FBXO7: variants seen among roughly 807,000 people sequenced by gnomAD.
FBXO7 encodes F-box only protein 7.
In FBXO7, 31 loss-of-function variants were observed where a neutral mutation model predicts 50.2. That is an observed-to-expected ratio of 0.62 (90% CI 0.46 to 0.83). The LOEUF is 0.83. FBXO7 is among the 40% of genes least tolerant of loss of function. The pLI, the probability that FBXO7 is intolerant of heterozygous loss-of-function variation, is 0.00. For missense variants in FBXO7, 667 were observed against 646.6 expected, an observed-to-expected ratio of 1.03 and a Z score of -0.34; for synonymous variants, 256 against 253.1, an observed-to-expected ratio of 1.01 and a Z score of -0.11.
Position 32,485,291 on chromosome 22 carries a change from A to G in FBXO7, c.787+82A>G, listed in dbSNP as rs1269713967. ...CAAATGTTTTATAGCCACTTCAGTG[A>G]TTGGCTATCATGATACAGTTGTGAG... On this transcript the variant is annotated intron_variant, in intron 4 of 8. Transcript: ENST00000266087. 5 of 1,535,434 alleles carry G rather than the reference A, an allele frequency of 3.3e-6. No homozygotes were observed. In the East Asian group the frequency reaches 1.1e-4, roughly 35 times the overall value.
At chr22:32,496,474 T>G (rs1021406738) in intron 8 of FBXO7, among the ~76,000 whole-genome samples, 2 of 151,486 alleles carry the variant, frequency 1.3e-5, no homozygotes, top group Non-Finnish European at 3.0e-5. Flanking sequence ...AGTGTGAGAC[T>G]CTGTCTCAAA....
At position 32,493,186 on chromosome 22, in the gene FBXO7, G is replaced by A; in HGVS notation, c.1049G>A (p.Arg350His). Residue 350 changes from arginine to histidine, a missense_variant, in exon 7 of 9, where the codon CGT becomes CAT. Coordinates refer to ENST00000266087, the MANE Select transcript of FBXO7 (RefSeq NM_012179.4). ...KLRIFRLLDVRSVLSLSAVCR... is the reference protein window; with the variant it reads ...KLRIFRLLDVHSVLSLSAVCR... ...CGGATCTTCCGACTTCTGGATGTTC[G>A]TTCCGTCTTGTCTTTGTCTGCGGTT... 6 of 1,614,072 alleles carry A rather than the reference G, an allele frequency of 3.7e-6. 1 individual carries two copies. Among genetic ancestry groups the A allele is most frequent in the South Asian group, 2.2e-5 (2 of 91,074 alleles).
intron 1 of FBXO7, chr22:32,475,714 C>T: frequency 3.1e-6 from 1 of 325,496 alleles, no homozygotes; most frequent in East Asian, 6.0e-5. Context: ...TTGGACTTCG[C>T]CGCCGAAAAG....
At chr22:32,477,473 A>G (rs2057436423) in intron 1 of FBXO7, among the ~76,000 whole-genome samples, 1 of 152,182 alleles carries the variant, frequency 6.6e-6, no homozygotes, top group East Asian at 1.9e-4. Flanking sequence ...ATGTCAAATA[A>G]TCTGTGATGC....
rs1399497048 is a variant in FBXO7 at position 32,498,818 on chromosome 22, A to C, written c.*288A>C. On this transcript the variant is annotated 3_prime_UTR_variant, in exon 9 of 9. Transcript: ENST00000266087. ...ATGCTGTTCTTACCAGATTAAAAAAAAGTGTAAATTACATGGTGGTCTTGA... is the reference window on the plus strand; with the variant it reads ...ATGCTGTTCTTACCAGATTAAAAAACAGTGTAAATTACATGGTGGTCTTGA... The C allele has an allele frequency of 6.7e-6, 3 of 450,686 alleles. No individual in the cohort carries two copies. Among genetic ancestry groups the C allele is most frequent in the African/African-American group, 2.0e-5 (1 of 51,118 alleles). 27.9% of individuals were successfully genotyped at this position (450,686 alleles called of 1,614,324 possible).
chr22:32,474,834 C>A lies in FBXO7; in HGVS notation c.-169C>A. On this transcript the variant is annotated 5_prime_UTR_variant, in exon 1 of 9. Coordinates refer to ENST00000266087, the MANE Select transcript of FBXO7 (RefSeq NM_012179.4). ...GCGCTCTATTCCAGAGACCGAGTGG[C>A]AGGGCGGCCACTGTGGCGGGGCTCT... 1 of 656,264 alleles carries A rather than the reference C, an allele frequency of 1.5e-6. No homozygotes were observed. The highest frequency in any genetic ancestry group is 2.5e-6 in the Non-Finnish European group (1 of 401,858). 40.7% of individuals were successfully genotyped at this position (656,264 alleles called of 1,614,324 possible). A position where few individuals can be genotyped will look rare whatever the true frequency, so the allele number is the denominator to read the frequency against.
In FBXO7 at chr22:32,498,554, A is replaced by G. The variant is rs2057593675; in HGVS notation, c.*24A>G. On this transcript the variant is annotated 3_prime_UTR_variant, in exon 9 of 9. Coordinates refer to ENST00000266087, the MANE Select transcript of FBXO7 (RefSeq NM_012179.4). ...GATTGATTTGTAATTTCATTTCTGG[A>G]GCTCCATTTGTTTTTGTTTCTAAAC... The G allele has an allele frequency of 6.2e-7, 1 of 1,605,242 alleles. No homozygotes were observed. Among genetic ancestry groups the G allele is most frequent in the African/African-American group, 1.3e-5 (1 of 74,794 alleles).
chr22:32,486,040 A>G (rs546273972), intron 4 of FBXO7, among the ~76,000 whole-genome samples: 2 of 152,250 alleles, frequency 1.3e-5, no homozygotes, highest in African/African-American at 4.8e-5. Context: ...TTTTTCGTTT[A>G]GCAAAGGCAG....
chr22:32,475,434 C>T, intron 1 of FBXO7: 2 of 1,607,966 alleles, frequency 1.2e-6, no homozygotes, highest in Non-Finnish European at 1.7e-6. Context: ...GTAAACGGAA[C>T]CAGGGAGAGG....
intron 5 of FBXO7, chr22:32,490,142 T>C (rs548398506): frequency 6.6e-5 from 10 of 152,282 alleles, no homozygotes; most frequent in African/African-American, 1.9e-4. Context: ...AAATATGAAA[T>C]GGGGAAGGAG....
Position 32,498,046 on chromosome 22 carries a change from G to C in FBXO7, c.1183-98G>C, listed in dbSNP as rs964251770. On this transcript the variant is annotated intron_variant, in intron 8 of 8. Transcript: ENST00000266087. The stretch of plus-strand genomic sequence containing the variant: ...ACTAAATCCACAATATGTCTGAGGT[G>C]TGCCTATAGATCTTTACTATGAAAG... The C allele has an allele frequency of 2.9e-5, 38 of 1,297,388 alleles. No individual in the cohort carries two copies. In the African/African-American group the frequency reaches 5.3e-4, roughly 18 times the overall value. The allele number at this position is 1,297,388 out of a possible 1,614,324, so 80.4% of individuals were successfully genotyped here.
intron 4 of FBXO7, among the ~76,000 whole-genome samples, chr22:32,486,543 C>T (rs1014027321): frequency 6.6e-6 from 1 of 151,984 alleles, no homozygotes; most frequent in African/African-American, 2.4e-5. Flanking sequence ...ACTGTGTTGC[C>T]CAGGCTGGTC....
intron 2 of FBXO7, among the ~76,000 whole-genome samples, chr22:32,481,540 G>A (rs1425381026): frequency 6.6e-6 from 1 of 152,148 alleles, no homozygotes; most frequent in African/African-American, 2.4e-5. Context: ...GACTTGTAAA[G>A]GGTGACAGGA....
Position 32,475,133 on chromosome 22 carries a change from G to C in FBXO7, c.122+9G>C. The C allele has an allele frequency of 6.5e-7, 1 of 1,540,668 alleles. No homozygotes were observed. The highest frequency in any genetic ancestry group is 1.4e-5 in the African/African-American group (1 of 71,940). On this transcript the variant is annotated intron_variant, in intron 1 of 8. Transcript: ENST00000266087. ...TGCACCTGGGGGTACAGGTACGCTG[G>C]GGCCGGGGCTGGGCGGCCCGCGGGG...
At chr22:32,485,731 G>A (rs1384782313) in intron 4 of FBXO7, among the ~76,000 whole-genome samples, 1 of 152,058 alleles carries the variant, frequency 6.6e-6, no homozygotes, top group African/African-American at 2.4e-5. Context: ...TATTTGCTGG[G>A]CCTCCCCCAA....
chr22:32,486,400 C>T (rs2057498859), intron 4 of FBXO7, among the ~76,000 whole-genome samples: 1 of 152,074 alleles, frequency 6.6e-6, no homozygotes, highest in Admixed American at 6.6e-5. Context: ...GTAGGCAGAG[C>T]ATGGATCATT....
At chr22:32,490,174 T>C (rs1269948730) in intron 5 of FBXO7, 2 of 152,246 alleles carry the variant, frequency 1.3e-5, no homozygotes, top group Non-Finnish European at 2.9e-5. Context: ...TGCCTACTGA[T>C]ACCCTAGGCA....
At chr22:32,489,145 T>G (rs1239044216) in intron 5 of FBXO7, 1 of 152,164 alleles carries the variant, frequency 6.6e-6, no homozygotes, top group Non-Finnish European at 1.5e-5. Context: ...GGCCAGAGTT[T>G]CTCAATCTTT....
chr22:32,487,370 G>T, intron 4 of FBXO7: 1 of 183,556 alleles, frequency 5.4e-6, no homozygotes. Flanking sequence ...AAGACTCATT[G>T]CCAAGGGTTA....
Sources: allele counts gnomAD v4.1 joint callset (sites outside exome capture counted in the v4.1 genomes callset), GRCh38; gene constraint gnomAD v4.1.1; transcripts MANE v1.5; gene names NCBI Gene and HGNC (gene_info 2026-07-23, HGNC 2026-07-21).